Variants in ANXA2 observed in about 807,000 individuals in gnomAD.
ANXA2 encodes annexin A2.
A neutral mutation model predicts 47.3 loss-of-function variants in ANXA2; 28 were observed. That is an observed-to-expected ratio of 0.59 (90% CI 0.44 to 0.81). The LOEUF (loss-of-function observed/expected upper bound fraction) is 0.81, where lower values mean the gene tolerates loss of function less well. Among genes scored for constraint, ANXA2 ranks in the 40% least tolerant of loss-of-function variants. ANXA2 has a pLI of 0.00. For missense variants in ANXA2, 384 were observed against 414.3 expected, an observed-to-expected ratio of 0.93 and a Z score of 0.64; for synonymous variants, 172 against 155.5, an observed-to-expected ratio of 1.11 and a Z score of -0.79.
At chr15:60,354,450 G>T (rs1002841575) in intron 7 of ANXA2, among the ~76,000 whole-genome samples, 1 of 151,958 alleles carries the variant, frequency 6.6e-6, no homozygotes, top group African/African-American at 2.4e-5. Flanking sequence ...GACCAACCTG[G>T]CTAACAAGGT....
intron 3 of ANXA2, chr15:60,374,772 T>C (rs532872951): frequency 3.9e-4 from 173 of 449,000 alleles, no homozygotes; most frequent in South Asian, 2.6e-3. Flanking sequence ...GGCCTCTTTG[T>C]TCCCAGCACT....
At chr15:60,393,268 T>C in intron 1 of ANXA2, 1 of 1,045,446 alleles carries the variant, frequency 9.6e-7, no homozygotes, top group South Asian at 3.0e-5. Flanking sequence ...TCACAGCCTC[T>C]CTCTGCTGGT....
rs530877157 is a variant in ANXA2, at chr15:60,352,903, G to A, written c.589-427C>T. Among the ~76,000 whole-genome samples, 7 of 152,270 alleles carry A rather than the reference G, an allele frequency of 4.6e-5. No individual in the cohort carries two copies. In the East Asian group the frequency reaches 1.4e-3, roughly 29 times the overall value. On this transcript the variant is annotated intron_variant, in intron 8 of 12. Coordinates refer to ENST00000451270, the MANE Select transcript of ANXA2 (RefSeq NM_004039.3). The surrounding 1 kb of genome is among the most constrained non-coding windows in gnomAD (Gnocchi z 4.2). Reference sequence around the variant, plus strand: ...ATTCTCAAGCTTCTCAGAGACTCAGGGAGTGATGGAGCTGGAAAAGGAGCC... The same window carrying A: ...ATTCTCAAGCTTCTCAGAGACTCAGAGAGTGATGGAGCTGGAAAAGGAGCC...
At chr15:60,394,799 C>T (rs929750038) in intron 1 of ANXA2, 1 of 152,066 alleles carries the variant, frequency 6.6e-6, no homozygotes, top group African/African-American at 2.4e-5. Context: ...CAAATATGGG[C>T]ATCTCCTGAC....
At chr15:60,361,920 TTC>T (rs2062520507) in intron 4 of ANXA2, among the ~76,000 whole-genome samples, 2 of 151,794 alleles carry the variant, frequency 1.3e-5, no homozygotes, top group African/African-American at 4.8e-5. Flanking sequence ...TTTTTTTTTC[TTC>T]TCTCTCTTCT....
intron 5 of ANXA2, among the ~76,000 whole-genome samples, chr15:60,358,063 A>C (rs1490995107): frequency 1.3e-5 from 2 of 152,256 alleles, no homozygotes; most frequent in Non-Finnish European, 1.5e-5. Context: ...AGGTATAGTT[A>C]AGAAAAAATT....
chr15:60,376,020 C>A (rs1365497376), intron 3 of ANXA2, among the ~76,000 whole-genome samples: 1 of 152,110 alleles, frequency 6.6e-6, no homozygotes, highest in African/African-American at 2.4e-5. Flanking sequence ...GGGCCGTGAA[C>A]AGAGCCAGAG....
chr15:60,395,568 G>A (rs1207625582), intron 1 of ANXA2: 1 of 152,178 alleles, frequency 6.6e-6, no homozygotes, highest in East Asian at 1.9e-4. Context: ...AGCAATTATA[G>A]AAGCACATCT....
chr15:60,368,543 C>T (rs917764491), intron 3 of ANXA2, among the ~76,000 whole-genome samples: 2 of 151,196 alleles, frequency 1.3e-5, no homozygotes, highest in Non-Finnish European at 2.9e-5. Flanking sequence ...TGGAAAATAT[C>T]CACAATAAAG....
At chr15:60,386,351 T>G (rs1482132132) in intron 1 of ANXA2, 1 of 375,438 alleles carries the variant, frequency 2.7e-6, no homozygotes, top group Non-Finnish European at 4.8e-6. Context: ...GATGTGTGAA[T>G]GCAAAAACAA....
At chr15:60,390,623 T>A in intron 1 of ANXA2, 1 of 264,258 alleles carries the variant, frequency 3.8e-6, no homozygotes, top group Non-Finnish European at 7.5e-6. Context: ...TGTTAAGACA[T>A]GCAAACATTT....
At chr15:60,367,167 A>G (rs1237299161) in intron 3 of ANXA2, among the ~76,000 whole-genome samples, 33 of 13,976 alleles carry the variant, frequency 2.4e-3, no homozygotes, top group Admixed American at 4.4e-3. Flanking sequence ...GGGAGGGGGG[A>G]GGGGGGGTCA....
intron 3 of ANXA2, among the ~76,000 whole-genome samples, chr15:60,381,546 C>T (rs1391453584): frequency 6.6e-6 from 1 of 152,226 alleles, no homozygotes; most frequent in East Asian, 1.9e-4. Flanking sequence ...TCTTGCTCAA[C>T]CCTAACCAGT....
rs1396580388 is a variant in ANXA2 at position 60,349,165 on chromosome 15, T to C, written c.870A>G (p.Arg290=). 6.2e-7 allele frequency: 1 copy of C among 1,613,974 alleles called. No homozygotes were observed. The highest frequency in any genetic ancestry group is 2.2e-5 in the East Asian group (1 of 44,890). ...GKGTRDKVLI[R]IMVSRSEVDM... ...CCACTTCACTGCGGGAGACCATGAT[T>C]CTGATCAGGACCTTATCTCGCGTCC... The change falls in exon 12 of 13, where the codon AGA becomes AGG. Residue 290 remains arginine (R), a synonymous_variant. Transcript: ENST00000451270.
At chr15:60,369,537 C>A (rs1271521845) in intron 3 of ANXA2, among the ~76,000 whole-genome samples, 1 of 152,204 alleles carries the variant, frequency 6.6e-6, no homozygotes, top group Non-Finnish European at 1.5e-5. Context: ...AAAAAGTATT[C>A]TCTCTTAAAA....
intron 1 of ANXA2, among the ~76,000 whole-genome samples, chr15:60,388,049 G>T (rs1296209511): frequency 6.6e-6 from 1 of 152,084 alleles, no homozygotes; most frequent in East Asian, 1.9e-4. Flanking sequence ...TTAGCTGGGC[G>T]TGGGGGCGGG....
chr15:60,372,619 G>GTAC (rs1310202545), intron 3 of ANXA2, among the ~76,000 whole-genome samples: 1 of 151,350 alleles, frequency 6.6e-6, no homozygotes, highest in Admixed American at 6.6e-5. Context: ...CAGTAGAAAA[G>GTAC]ATAACCCCAA....
intron 1 of ANXA2, chr15:60,396,014 A>G (rs1189496898): frequency 6.6e-6 from 1 of 152,208 alleles, no homozygotes; most frequent in East Asian, 1.9e-4. Context: ...CCCCAGTCTT[A>G]CCAAAAATCT....
chr15:60,381,393 CA>C (rs2062856093), intron 3 of ANXA2, among the ~76,000 whole-genome samples: 1 of 152,112 alleles, frequency 6.6e-6, no homozygotes. Context: ...TGGAGAATCA[CA>C]AAAGTCACCA....
Sources: gnomAD v4.1 joint callset for allele counts (sites outside exome capture counted in the v4.1 genomes callset) on GRCh38, gnomAD v4.1.1 for gene constraint, Gnocchi (gnomAD v3.1) non-coding constraint, MANE v1.5 for transcripts, NCBI Gene and HGNC (gene_info 2026-07-23, HGNC 2026-07-21) for gene names.